The following XKR6 variants were observed in gnomAD, a reference collection of about 807,000 sequenced individuals.
XKR6 encodes XK-related protein 6.
In XKR6, 22 loss-of-function variants were observed where a neutral mutation model predicts 56.7. That is an observed-to-expected ratio of 0.39 (90% CI 0.28 to 0.55). The LOEUF is 0.55. Among genes scored for constraint, XKR6 ranks in the 20% least tolerant of loss-of-function variants. The pLI is 0.66. For missense variants in XKR6, 852 were observed against 889.0 expected (o/e 0.96, Z 0.53); for synonymous variants, 524 against 387.8 (o/e 1.35, Z -4.13).
chr8:10,975,931 T>C (rs1355048972), intron 1 of XKR6, among the ~76,000 whole-genome samples: 1 of 152,078 alleles, frequency 6.6e-6, no homozygotes, highest in African/African-American at 2.4e-5. Context: ...TCCCAGCACT[T>C]TGGGAGGCCG....
rs189281195 is a variant in XKR6, at chr8:11,003,718, C to T, written c.765-78888G>A. On this transcript the variant is annotated intron_variant, in intron 1 of 2. Transcript: ENST00000416569. ...ATTCTGGAGCAGGTCTTTTGGACTA[C>T]AGACTCTGCCCTCTTTCTGTCATTC... Among the ~76,000 whole-genome samples, 5 of 152,366 alleles carry T rather than the reference C, an allele frequency of 3.3e-5. No individual in the cohort carries two copies. The East Asian group carries it at 9.6e-4, about 29-fold the overall frequency.
intron 1 of XKR6, among the ~76,000 whole-genome samples, chr8:11,036,272 A>G (rs894413963): frequency 2.6e-5 from 4 of 152,162 alleles, no homozygotes; most frequent in Non-Finnish European, 5.9e-5. Context: ...TACCAGGCAG[A>G]GAGAGAAGCA....
At chr8:11,169,167 A>G (rs1802238465) in intron 1 of XKR6, among the ~76,000 whole-genome samples, 1 of 152,184 alleles carries the variant, frequency 6.6e-6, no homozygotes, top group Non-Finnish European at 1.5e-5. Context: ...CTAGCCTCAT[A>G]GTTGGCAACC....
rs143566987 is a variant in XKR6, at chr8:11,087,924, T to A, written c.764+112652A>T. On this transcript the variant is annotated intron_variant, in intron 1 of 2. Coordinates refer to ENST00000416569, the MANE Select transcript of XKR6 (RefSeq NM_173683.4). ...GCATAAAGACCTCATCCACCCAAAG[T>A]TTCCAAAGAGCCTACCTGGATAAGG... 2.0e-5 allele frequency among the ~76,000 whole-genome samples: 3 copies of A among 152,348 alleles called. No homozygotes were observed. The East Asian group carries it at 5.8e-4, about 29-fold the overall frequency.
intron 1 of XKR6, among the ~76,000 whole-genome samples, chr8:11,091,286 A>C (rs1288661477): frequency 2.0e-5 from 3 of 152,020 alleles, no homozygotes; most frequent in Non-Finnish European, 4.4e-5. Context: ...AATTATTTAT[A>C]AATTAGCCAG....
At chr8:10,963,079 G>A (rs571715908) in intron 1 of XKR6, among the ~76,000 whole-genome samples, 45 of 152,272 alleles carry the variant, frequency 3.0e-4, no homozygotes, top group African/African-American at 9.9e-4. Context: ...GCCCAACAGC[G>A]CCAGACCAAG....
chr8:11,177,788 C>A (rs1456753155), intron 1 of XKR6, among the ~76,000 whole-genome samples: 1 of 152,232 alleles, frequency 6.6e-6, no homozygotes, highest in Admixed American at 6.5e-5. Context: ...CAGTGCCCTG[C>A]TCACGCATTG....
At chr8:11,076,727 C>T (rs988379510) in intron 1 of XKR6, among the ~76,000 whole-genome samples, 1 of 152,196 alleles carries the variant, frequency 6.6e-6, no homozygotes, top group African/African-American at 2.4e-5. Flanking sequence ...GGGGCCTCAG[C>T]CAGCGCAGGC....
chr8:10,938,960 C>T (rs1296238663), intron 1 of XKR6, among the ~76,000 whole-genome samples: 1 of 151,952 alleles, frequency 6.6e-6, no homozygotes, highest in Non-Finnish European at 1.5e-5. Flanking sequence ...CATTAGAGGC[C>T]CATAAAAGTG....
chr8:11,039,834 C>T (rs754876843), intron 1 of XKR6, among the ~76,000 whole-genome samples: 6 of 152,216 alleles, frequency 3.9e-5, no homozygotes, highest in East Asian at 1.9e-4. Flanking sequence ...GGAAGCAGCC[C>T]GAGCACAGCT....
intron 1 of XKR6, among the ~76,000 whole-genome samples, chr8:11,133,758 T>A (rs188476335): frequency 6.6e-6 from 1 of 152,226 alleles, no homozygotes; most frequent in Non-Finnish European, 1.5e-5. Flanking sequence ...AAGACCAATG[T>A]TACTTCCCTA....
intron 1 of XKR6, among the ~76,000 whole-genome samples, chr8:11,058,508 T>C (rs924405303): frequency 1.3e-5 from 2 of 152,000 alleles, no homozygotes; most frequent in African/African-American, 4.8e-5. Context: ...TATGCAGCCA[T>C]AAAAAAGGAT....
intron 1 of XKR6, among the ~76,000 whole-genome samples, chr8:11,034,076 G>A (rs189100350): frequency 1.6e-4 from 25 of 152,290 alleles, no homozygotes; most frequent in African/African-American, 5.8e-4. Flanking sequence ...CACAGTCCAC[G>A]ACCAAACTAA....
At chr8:11,123,745 C>G in intron 1 of XKR6, 1 of 423,286 alleles carries the variant, frequency 2.4e-6, no homozygotes, top group Non-Finnish European at 4.8e-6. Flanking sequence ...GCACCCCTAC[C>G]CCGGGAAAAA....
At chr8:11,129,939 G>A (rs978887492) in intron 1 of XKR6, among the ~76,000 whole-genome samples, 3 of 152,096 alleles carry the variant, frequency 2.0e-5, no homozygotes, top group African/African-American at 7.2e-5. Flanking sequence ...GCTATCTGAG[G>A]TACAAAGCTC....
At chr8:11,018,189 C>A (rs1798670428) in intron 1 of XKR6, among the ~76,000 whole-genome samples, 1 of 151,702 alleles carries the variant, frequency 6.6e-6, no homozygotes, top group Non-Finnish European at 1.5e-5. Context: ...CAGCCTCCCC[C>A]TCAGGGTGAC....
At chr8:11,058,917 G>A (rs1799755369) in intron 1 of XKR6, among the ~76,000 whole-genome samples, 1 of 152,242 alleles carries the variant, frequency 6.6e-6, no homozygotes, top group Non-Finnish European at 1.5e-5. Context: ...GTGTACAGAA[G>A]AAAACACAAA....
rs1563274194 is a variant in XKR6 at position 10,896,053 on chromosome 8, A to G, written c.*1899T>C. 6.7e-6 allele frequency: 1 copy of G among 148,548 alleles called. No homozygotes were observed. Among genetic ancestry groups the G allele is most frequent in the Non-Finnish European group, 1.5e-5 (1 of 67,378 alleles). The allele number at this position is 148,548 out of a possible 1,614,324, so 9.2% of individuals were successfully genotyped here. On this transcript the variant is annotated 3_prime_UTR_variant, in exon 3 of 3. Transcript: ENST00000416569. Reference sequence around the variant, plus strand: ...TCGCAGCTACACACAGCAAAGACTAACAGTATTTACTTAAAAATATTGTGT... The same window carrying G: ...TCGCAGCTACACACAGCAAAGACTAGCAGTATTTACTTAAAAATATTGTGT...
At chr8:11,032,761 C>G (rs2129152518) in intron 1 of XKR6, among the ~76,000 whole-genome samples, 1 of 152,258 alleles carries the variant, frequency 6.6e-6, no homozygotes, top group South Asian at 2.1e-4. Flanking sequence ...CCCCTCCAAG[C>G]CCTGCCTCCT....
Sources: allele counts gnomAD v4.1 joint callset (sites outside exome capture counted in the v4.1 genomes callset), GRCh38; gene constraint gnomAD v4.1.1; transcripts MANE v1.5; gene names NCBI Gene and HGNC (gene_info 2026-07-23, HGNC 2026-07-21).